LRRTM4: variants seen among roughly 807,000 people sequenced by gnomAD.
LRRTM4 encodes leucine-rich repeat transmembrane neuronal protein 4.
LRRTM4 carries 25 observed loss-of-function variants against 47.6 expected under a neutral mutation model. The ratio of observed to expected loss-of-function variants is 0.53; its 90% CI spans 0.38 to 0.73. The LOEUF is 0.73. LRRTM4 is among the 30% of genes least tolerant of loss of function. LRRTM4 has a pLI of 0.00. For missense variants in LRRTM4, 638 were observed against 713.4 expected (o/e 0.89, Z 1.20); for synonymous variants, 311 against 269.5 (o/e 1.15, Z -1.51).
chr2:77,218,024 T>C (rs1354112951), intron 3 of LRRTM4, among the ~76,000 whole-genome samples: 3 of 152,230 alleles, frequency 2.0e-5, no homozygotes. Context: ...TTCACTCTTA[T>C]TGCCCTATTG....
At chr2:77,127,251 G>C (rs564787935) in intron 3 of LRRTM4, among the ~76,000 whole-genome samples, 4 of 152,286 alleles carry the variant, frequency 2.6e-5, no homozygotes, top group South Asian at 2.1e-4. Flanking sequence ...CAAAACAGCT[G>C]TAGCTTTTCT....
intron 3 of LRRTM4, among the ~76,000 whole-genome samples, chr2:76,770,026 CATT>C (rs1283253228): frequency 6.6e-6 from 1 of 152,138 alleles, no homozygotes; most frequent in Non-Finnish European, 1.5e-5. Context: ...GCAGGCCTGA[CATT>C]ATTCTGATGC....
chr2:76,885,143 G>A (rs1026665837), intron 3 of LRRTM4, among the ~76,000 whole-genome samples: 7 of 151,532 alleles, frequency 4.6e-5, no homozygotes, highest in Admixed American at 4.6e-4. Context: ...CTCTCATATA[G>A]TATTTTTACT....
chr2:77,078,374 A>ACACACC (rs930324681), intron 3 of LRRTM4, among the ~76,000 whole-genome samples: 3 of 110,290 alleles, frequency 2.7e-5, no homozygotes, highest in African/African-American at 1.4e-4. Context: ...TCTATTACAC[A>ACACACC]CACACCCACA....
chr2:77,009,501 A>C (rs1677789266), intron 3 of LRRTM4: 1 of 152,134 alleles, frequency 6.6e-6, no homozygotes, highest in Admixed American at 6.6e-5. Context: ...TTATGGACAC[A>C]TTAAATATTA....
chr2:77,101,351 A>C (rs753235569), intron 3 of LRRTM4, among the ~76,000 whole-genome samples: 1 of 152,182 alleles, frequency 6.6e-6, no homozygotes, highest in Non-Finnish European at 1.5e-5. Flanking sequence ...AGTCCTTCTT[A>C]TATGAAAGTT....
At chr2:76,768,984 T>A (rs548953881) in intron 3 of LRRTM4, among the ~76,000 whole-genome samples, 25 of 152,272 alleles carry the variant, frequency 1.6e-4, no homozygotes, top group Non-Finnish European at 3.4e-4. Flanking sequence ...CTAGTTAGTG[T>A]TACAAAGAGG....
chr2:76,821,305 A>G (rs951077067), intron 3 of LRRTM4, among the ~76,000 whole-genome samples: 33 of 151,718 alleles, frequency 2.2e-4, no homozygotes. Context: ...AAAATCATAA[A>G]AAGTGATTTA....
At chr2:77,111,103 T>G (rs1572972250) in intron 3 of LRRTM4, among the ~76,000 whole-genome samples, 1 of 151,832 alleles carries the variant, frequency 6.6e-6, no homozygotes, top group Admixed American at 6.6e-5. Flanking sequence ...AATTCCCTGT[T>G]TTTTGTTTTG....
intron 3 of LRRTM4, among the ~76,000 whole-genome samples, chr2:76,885,608 G>T (rs1673050343): frequency 6.6e-6 from 1 of 151,882 alleles, no homozygotes; most frequent in East Asian, 1.9e-4. Flanking sequence ...GACCGCAAGC[G>T]CCCACCGCCA....
chr2:76,981,932 G>A (rs1291629331), intron 3 of LRRTM4, among the ~76,000 whole-genome samples: 1 of 151,972 alleles, frequency 6.6e-6, no homozygotes, highest in Non-Finnish European at 1.5e-5. Context: ...TCAGTTTCTG[G>A]AATTGATCAA....
intron 3 of LRRTM4, among the ~76,000 whole-genome samples, chr2:77,019,275 A>AAAT (rs1390544509): frequency 4.0e-5 from 6 of 150,880 alleles, no homozygotes; most frequent in African/African-American, 9.8e-5. Flanking sequence ...AAAAAAAAAA[A>AAAT]ATATAAGAAG....
At chr2:76,792,929 T>C (rs923697696) in intron 3 of LRRTM4, among the ~76,000 whole-genome samples, 1 of 152,178 alleles carries the variant, frequency 6.6e-6, no homozygotes, top group Non-Finnish European at 1.5e-5. Flanking sequence ...CCTGGGTTTT[T>C]GGTTGTTAGG....
At chr2:76,794,414 C>A (rs966117669) in intron 3 of LRRTM4, among the ~76,000 whole-genome samples, 2 of 152,098 alleles carry the variant, frequency 1.3e-5, no homozygotes, top group Non-Finnish European at 2.9e-5. Context: ...TATGACTAAT[C>A]GGCTTTACCA....
intron 3 of LRRTM4, among the ~76,000 whole-genome samples, chr2:77,417,766 G>T (rs977010710): frequency 4.7e-5 from 7 of 148,016 alleles, no homozygotes; most frequent in African/African-American, 7.9e-5. Flanking sequence ...CCTGTTGTTG[G>T]GGGGGAAGGG....
intron 3 of LRRTM4, among the ~76,000 whole-genome samples, chr2:77,075,914 C>CAAAAAAAAAAAAAAAA (rs61718845): frequency 6.8e-4 from 25 of 36,852 alleles, no homozygotes; most frequent in African/African-American, 1.4e-3. Flanking sequence ...GACTCCGTCT[C>CAAAAAAAAAAAAAAAA]AAAAAAAAAA....
chr2:77,127,791 T>A (rs1219043382), intron 3 of LRRTM4, among the ~76,000 whole-genome samples: 2 of 152,182 alleles, frequency 1.3e-5, no homozygotes, highest in Non-Finnish European at 2.9e-5. Context: ...TGATGGAAAG[T>A]TAGACAGCTC....
At chr2:77,263,838 C>A (rs563789894) in intron 3 of LRRTM4, among the ~76,000 whole-genome samples, 2 of 151,926 alleles carry the variant, frequency 1.3e-5, no homozygotes, top group Admixed American at 6.6e-5. Context: ...TGTTTTTATA[C>A]CTAGATTTCA....
chr2:77,514,091 T>A (rs1264643500), intron 3 of LRRTM4, among the ~76,000 whole-genome samples: 1 of 151,896 alleles, frequency 6.6e-6, no homozygotes, highest in African/African-American at 2.4e-5. Flanking sequence ...CAGACATACA[T>A]ACATGGATAA....
Sources: gnomAD v4.1 joint callset for allele counts (sites outside exome capture counted in the v4.1 genomes callset) on GRCh38, gnomAD v4.1.1 for gene constraint, MANE v1.5 for transcripts, NCBI Gene and HGNC (gene_info 2026-07-23, HGNC 2026-07-21) for gene names.